Variants in RFT1 observed in about 807,000 individuals in gnomAD.
RFT1 encodes RFT1 glycolipid translocator homolog.
Under a neutral mutation model 62.2 loss-of-function variants are expected in RFT1, and 43 were observed. The ratio of observed to expected loss-of-function variants is 0.69; its 90% confidence interval spans 0.54 to 0.89. The LOEUF (loss-of-function observed/expected upper bound fraction) is 0.89, where lower values mean the gene tolerates loss of function less well. Ranked by LOEUF, RFT1 falls within the 40% of genes least tolerant of loss-of-function variation. The probability of loss-of-function intolerance (pLI) is 0.00; values close to 1 mark genes in which losing one functional copy is unlikely to be tolerated. For missense variants in RFT1, 605 were observed against 649.9 expected (o/e 0.93, Z 0.75); for synonymous variants, 262 against 264.6 (o/e 0.99, Z 0.10).
chr3:53,078,405 A>G, the RFT1 span, among the ~76,000 whole-genome samples: 5 of 152,178 alleles, frequency 3.3e-5, no homozygotes, highest in Admixed American at 1.3e-4. Flanking sequence ...AAAATACATA[A>G]TATCAGGAGA....
intron 5 of RFT1, 138 bp downstream of exon 5, chr3:53,121,561 A>G (rs1701967981): frequency 1.4e-6 from 1 of 734,640 alleles, no homozygotes; most frequent in African/African-American, 1.8e-5. Context: ...AAGCAGTGCT[A>G]AGGCCACCCT....
chr3:53,110,546 C>T (rs1701618872), intron 7 of RFT1, among the ~76,000 whole-genome samples: 1 of 152,110 alleles, frequency 6.6e-6, no homozygotes, highest in Non-Finnish European at 1.5e-5. Flanking sequence ...TCTCAAAGAT[C>T]AGAGAGCCCT....
chr3:53,099,261 G>C, intron 11 of RFT1, 120 bp downstream of exon 11: 3 of 782,842 alleles, frequency 3.8e-6, no homozygotes, highest in Non-Finnish European at 6.7e-6. Context: ...GGTGGACTAA[G>C]TGTTGCCTCT....
chr3:53,121,317 A>C (rs1252919756), intron 5 of RFT1, among the ~76,000 whole-genome samples: 1 of 152,190 alleles, frequency 6.6e-6, no homozygotes, highest in African/African-American at 2.4e-5. Flanking sequence ...AAAGATGGAA[A>C]TCCAGGGAAA....
chr3:53,073,553 G>A, the RFT1 span, among the ~76,000 whole-genome samples: 73,803 of 152,198 alleles, frequency 0.48, 19,751 homozygotes, highest in East Asian at 0.71. Flanking sequence ...GGGTCAGTGA[G>A]GGGTTCAGGA....
At chr3:53,095,784 G>A (rs1223026712) in intron 11 of RFT1, among the ~76,000 whole-genome samples, 1 of 151,052 alleles carries the variant, frequency 6.6e-6, no homozygotes, top group African/African-American at 2.4e-5. Flanking sequence ...ACCTGAAGAA[G>A]CCCCCAGCAG....
Position 53,099,497 on chromosome 3 carries a change from A to G in RFT1, c.1103-11T>C. On this transcript the variant is annotated splice_polypyrimidine_tract_variant and intron_variant, in intron 10 of 12. Coordinates refer to ENST00000296292, the MANE Select transcript of RFT1 (RefSeq NM_052859.4). ...GCAGCAAAACAGGACCTACAAGGAA[A>G]CAACTCACTGAGACTCCAGAGCCCA... 1 of 1,610,900 alleles carries G rather than the reference A, an allele frequency of 6.2e-7. No homozygotes were observed. The highest frequency in any genetic ancestry group is 1.7e-4 in the Middle Eastern group (1 of 6,048).
In RFT1 at chr3:53,105,410, TCCCCG is replaced by T. The variant is rs67931807; in HGVS notation, c.957+258_957+262del. Among the ~76,000 whole-genome samples the T allele has an allele frequency of 0.65, 76,353 of 116,920 alleles. 21,633 individuals carry two copies. The highest frequency in any genetic ancestry group is 0.72 in the East Asian group (3,180 of 4,438). 76.7% of individuals were successfully genotyped at this position (116,920 alleles called of 152,430 possible). A position where few individuals can be genotyped will look rare whatever the true frequency, so the allele number is the denominator to read the frequency against. On this transcript the variant is annotated intron_variant, in intron 9 of 12. Transcript: ENST00000296292. ...GGCTGGGCGTCAGAGCAAGACTCTATCCCCGCCCCCCCCCCCAAAAAGAGTAAGGT... is the reference window on the plus strand; with the variant it reads ...GGCTGGGCGTCAGAGCAAGACTCTATCCCCCCCCCCCAAAAAGAGTAAGGT...
chr3:53,121,790 T>C lies in RFT1; in HGVS notation c.467A>G (p.Glu156Gly). ...GCTCTTAAGAATTACCGACAGGCTC[T>C]CTGCAATCACCTGCAAACATGTGGT... ...HMFVKLKVIA[E>G]SLSVILKSVL... Residue 156 changes from glutamate (E) to glycine (G), a missense_variant, in exon 5 of 13, where the codon GAG becomes GGG. Transcript: ENST00000296292. The C allele has an allele frequency of 1.9e-6, 3 of 1,613,278 alleles. No individual in the cohort carries two copies. Among genetic ancestry groups the C allele is most frequent in the Non-Finnish European group, 2.5e-6 (3 of 1,179,622 alleles).
At chr3:53,067,861 A>T in the RFT1 span, among the ~76,000 whole-genome samples, 657 of 152,356 alleles carry the variant, frequency 4.3e-3, 3 homozygotes, top group African/African-American at 0.015. Flanking sequence ...AAGGTCATAA[A>T]CATGTAAATG....
chr3:53,083,356 T>TA, the RFT1 span, among the ~76,000 whole-genome samples: 179 of 138,106 alleles, frequency 1.3e-3, 1 homozygote, highest in Middle Eastern at 3.7e-3. Context: ...TACTAAAAAT[T>TA]AAAAAAAAAA....
At chr3:53,104,983 G>C (rs1701423410) in intron 9 of RFT1, among the ~76,000 whole-genome samples, 1 of 152,224 alleles carries the variant, frequency 6.6e-6, no homozygotes, top group Non-Finnish European at 1.5e-5. Context: ...TGATTAGCCT[G>C]GCTCCAACTT....
intron 6 of RFT1, among the ~76,000 whole-genome samples, chr3:53,113,635 T>C (rs80189341): frequency 2.3e-3 from 355 of 152,370 alleles, no homozygotes; most frequent in Non-Finnish European, 3.8e-3. Flanking sequence ...CAAGTGAAAT[T>C]AATTTTAATA....
chr3:53,100,977 A>C (rs1029107776), intron 10 of RFT1, among the ~76,000 whole-genome samples: 36 of 151,618 alleles, frequency 2.4e-4, no homozygotes, highest in African/African-American at 7.8e-4. Flanking sequence ...CCCAAAAAAA[A>C]CACATAACCA....
intron 7 of RFT1, among the ~76,000 whole-genome samples, chr3:53,110,512 A>C (rs375230266): frequency 6.6e-6 from 1 of 152,154 alleles, no homozygotes; most frequent in South Asian, 2.1e-4. Flanking sequence ...CAAAGTTATA[A>C]GGTTAGGCTG....
intron 4 of RFT1, among the ~76,000 whole-genome samples, chr3:53,122,120 T>C (rs1278516279): frequency 6.6e-6 from 1 of 152,252 alleles, no homozygotes; most frequent in Non-Finnish European, 1.5e-5. Context: ...ACGGTCCTTC[T>C]AAATTCTGAC....
At chr3:53,070,423 A>C in the RFT1 span, among the ~76,000 whole-genome samples, 1 of 45,054 alleles carries the variant, frequency 2.2e-5, no homozygotes, top group African/African-American at 9.0e-5. Context: ...TTTTTTTGAG[A>C]CGGAGTCTCA....
At chr3:53,126,475 A>G (rs1002268843) in intron 1 of RFT1, among the ~76,000 whole-genome samples, 4 of 152,244 alleles carry the variant, frequency 2.6e-5, no homozygotes, top group African/African-American at 9.6e-5. Context: ...CTGCCTCATA[A>G]TATCTAGGAA....
rs1194233901 is a variant in RFT1 at position 53,111,820 on chromosome 3, G to A, written c.775+10C>T. On this transcript the variant is annotated intron_variant, in intron 7 of 12. Transcript: ENST00000296292. The stretch of plus-strand genomic sequence containing the variant: ...GGTCTCCCGACGATTCAGAGTGACC[G>A]TCTACTTACCTTCTGTCAAAATCTG... 11 of 1,609,916 alleles carry A rather than the reference G, an allele frequency of 6.8e-6. No individual in the cohort carries two copies. Among genetic ancestry groups the A allele is most frequent in the African/African-American group, 1.3e-5 (1 of 74,836 alleles).
Sources: gnomAD v4.1 joint callset for allele counts (sites outside exome capture counted in the v4.1 genomes callset) on GRCh38, gnomAD v4.1.1 for gene constraint, MANE v1.5 for transcripts, NCBI Gene and HGNC (gene_info 2026-07-23, HGNC 2026-07-21) for gene names.